ARL13A: variants seen among roughly 807,000 people sequenced by gnomAD.
ARL13A encodes ARF like GTPase 13A, also known as ADP-ribosylation factor-like protein 13A.
A neutral mutation model predicts 19.1 loss-of-function variants in ARL13A; 16 were observed. The observed-to-expected ratio is 0.84, with a 90% CI of 0.57 to 1.27. The LOEUF (loss-of-function observed/expected upper bound fraction) is 1.27. Ranked by LOEUF, ARL13A falls within the 50% of genes most tolerant of loss-of-function variation. The probability of loss-of-function intolerance (pLI) is 0.00; values close to 1 mark genes in which losing one functional copy is unlikely to be tolerated. For synonymous variants in ARL13A, 69 were observed against 71.3 expected (o/e 0.97, Z 0.17); for missense variants, 153 against 186.4 (o/e 0.82, Z 1.04).
rs1249519633 is a variant in ARL13A, at chrX:100,974,388, C to G, written c.130+191C>G. Among the ~76,000 whole-genome samples the G allele has an allele frequency of 2.7e-5, 3 of 109,890 alleles. No homozygotes were observed. The East Asian group carries it at 8.6e-4, about 32-fold the overall frequency. ...TCTGTCTCTCTCTCTCTCTCTCCCC[C>G]TTCCCTCCCTCCCTTCCCCACATTA... On this transcript the variant is annotated intron_variant, in intron 3 of 7. Transcript: ENST00000450049.
At chrX:100,987,618 C>T (rs968041263) in intron 6 of ARL13A, 62 bp downstream of exon 6, 28 of 1,148,300 alleles carry the variant, frequency 2.4e-5, no homozygotes, top group Middle Eastern at 2.7e-4. Context: ...GTCTTTCTCA[C>T]GAGCAAGGAG....
chrX:100,973,723 C>T lies in ARL13A; in HGVS notation c.34C>T (p.Leu12=), dbSNP rs775342464. 12 of 1,211,139 alleles carry T rather than the reference C, an allele frequency of 9.9e-6. No individual in the cohort carries two copies. Among genetic ancestry groups the T allele is most frequent in the Admixed American group, 4.3e-5 (2 of 46,083 alleles). ...FRLLSSCCSC[L]RTTEETRRNV... is the part of the protein sequence containing the mutation. ...GCTTTTGTCCTCCTGCTGCTCTTGC[C>T]TAAGGACAACAGAAGAGACACGAAG... The change falls in exon 2 of 8, where the codon CTA becomes TTA. Residue 12 remains leucine (L), a synonymous_variant. Coordinates refer to ENST00000450049, the MANE Select transcript of ARL13A (RefSeq NM_001162491.2).
intron 3 of ARL13A, among the ~76,000 whole-genome samples, chrX:100,982,375 T>G (rs773130870): frequency 9.1e-6 from 1 of 110,322 alleles, no homozygotes; most frequent in Non-Finnish European, 1.9e-5. Flanking sequence ...GCCTGTAATC[T>G]CAGCTACGCA....
At chrX:100,990,072 A>G (rs1202878243) in intron 7 of ARL13A, among the ~76,000 whole-genome samples, 1 of 112,953 alleles carries the variant, frequency 8.9e-6, no homozygotes, top group East Asian at 2.8e-4. Context: ...TGGGACACAG[A>G]TAAGATGTTA....
chrX:100,988,970 C>T (rs2085981698), intron 7 of ARL13A, among the ~76,000 whole-genome samples: 1 of 105,850 alleles, frequency 9.4e-6, no homozygotes, highest in South Asian at 4.2e-4. Flanking sequence ...ACCCAAAAAA[C>T]GATGCTCAAG....
Position 100,987,415 on chromosome X carries a change from T to C in ARL13A, c.512T>C (p.Leu171Pro), listed in dbSNP as rs1485365531. ...RVEPCSAIRNLERRNHQPIVE... is the reference protein window; with the variant it reads ...RVEPCSAIRNPERRNHQPIVE... ...GAGCCATGTTCAGCCATCAGAAACCTTGAAAGAAGAAACCATCAGCCCATA... is the reference window on the plus strand; with the variant it reads ...GAGCCATGTTCAGCCATCAGAAACCCTGAAAGAAGAAACCATCAGCCCATA... Residue 171 changes from leucine to proline, a missense_variant, in exon 6 of 8, where the codon CTT becomes CCT. Physicochemically the swap from Leu to Pro is moderately conservative, Grantham distance 98. Transcript: ENST00000450049. 1 of 1,209,003 alleles carries C rather than the reference T, an allele frequency of 8.3e-7. No individual in the cohort carries two copies. Among genetic ancestry groups the C allele is most frequent in the East Asian group, 3.0e-5 (1 of 33,776 alleles).
At position 100,974,305 on chromosome X, in the gene ARL13A, C is replaced by T. The variant is rs2085726765; in HGVS notation, c.130+108C>T. 5.2e-6 allele frequency: 3 copies of T among 579,191 alleles called. No homozygotes were observed. In the Admixed American group the frequency reaches 8.7e-5, roughly 17 times the overall value. 47.7% of individuals were successfully genotyped at this position (579,191 alleles called of 1,213,427 possible). On this transcript the variant is annotated intron_variant, in intron 3 of 7. Coordinates refer to ENST00000450049, the MANE Select transcript of ARL13A (RefSeq NM_001162491.2). ...TTACTTCATGGCCCTCAATTTCCCT[C>T]TTTTTGTGCATAAACACCTCCTAAC... is the stretch of plus-strand genomic sequence containing the variant.
chrX:100,983,363 C>CT (rs957058134), intron 3 of ARL13A, among the ~76,000 whole-genome samples: 9 of 107,292 alleles, frequency 8.4e-5, no homozygotes, highest in East Asian at 2.9e-4. Flanking sequence ...AACCTATTCA[C>CT]TTTTTTTTTT....
At chrX:100,969,867 T>G (rs2085636182) in intron 1 of ARL13A, 58 bp downstream of exon 1, 3 of 112,141 alleles carry the variant, frequency 2.7e-5, no homozygotes, top group Admixed American at 1.9e-4. Context: ...AAATGGTAGG[T>G]TTAGTTGAGG....
intron 1 of ARL13A, among the ~76,000 whole-genome samples, chrX:100,972,348 C>T (rs1047476533): frequency 5.4e-5 from 5 of 93,189 alleles, no homozygotes; most frequent in African/African-American, 1.2e-4. Context: ...GGCGGCTGGC[C>T]GGGCGGGGGG....
intron 2 of ARL13A, 112 bp from the exon 3 acceptor site, chrX:100,974,015 T>C (rs2147961929): frequency 9.2e-6 from 6 of 648,688 alleles, no homozygotes; most frequent in Non-Finnish European, 1.5e-5. Flanking sequence ...GGTACATGCA[T>C]TGAGATTACT....
chrX:100,973,609 C>T, intron 1 of ARL13A, 67 bp from the exon 2 acceptor site: 1 of 1,050,062 alleles, frequency 9.5e-7, no homozygotes, highest in Non-Finnish European at 1.3e-6. Flanking sequence ...TAGTCATAAG[C>T]TGACTAAAGG....
chrX:100,977,092 A>G (rs2085774384), intron 3 of ARL13A, among the ~76,000 whole-genome samples: 1 of 111,841 alleles, frequency 8.9e-6, no homozygotes, highest in Admixed American at 9.5e-5. Flanking sequence ...TACGTGAGAT[A>G]CGTTGATACA....
chrX:100,988,836 TGA>T (rs1480613037), intron 7 of ARL13A, among the ~76,000 whole-genome samples: 1 of 74,152 alleles, frequency 1.3e-5, no homozygotes, highest in African/African-American at 5.5e-5. Flanking sequence ...TATATATATA[TGA>T]GATAATATAT....
chrX:100,978,463 C>T (rs1309961691), intron 3 of ARL13A, among the ~76,000 whole-genome samples: 1 of 111,377 alleles, frequency 9.0e-6, no homozygotes, highest in Non-Finnish European at 1.9e-5. Flanking sequence ...TGACATTCTT[C>T]GTCTCTTTTT....
At chrX:100,975,453 G>C (rs1025664390) in intron 3 of ARL13A, among the ~76,000 whole-genome samples, 2 of 111,258 alleles carry the variant, frequency 1.8e-5, no homozygotes, top group Middle Eastern at 4.2e-3. Context: ...TCAGGCAATT[G>C]CAAGTCCATC....
At position 100,990,826 on chromosome X, in the gene ARL13A, T is replaced by G. The variant is rs1325865602; in HGVS notation, c.*238T>G. 8.6e-6 allele frequency: 3 copies of G among 349,246 alleles called. No homozygotes were observed. The highest frequency in any genetic ancestry group is 1.5e-5 in the Non-Finnish European group (3 of 197,380). 28.8% of individuals were successfully genotyped at this position (349,246 alleles called of 1,213,427 possible). On this transcript the variant is annotated 3_prime_UTR_variant, in exon 8 of 8. Transcript: ENST00000450049. The stretch of plus-strand genomic sequence containing the variant: ...GCAAAAATAAATAGAACTTCTTTGC[T>G]GAGAATTATGCTCTACTGAATCATT...
intron 5 of ARL13A, 33 bp from the exon 6 acceptor site, chrX:100,987,357 A>C: frequency 8.3e-7 from 1 of 1,200,414 alleles, no homozygotes; most frequent in Admixed American, 2.2e-5. Flanking sequence ...CCCAGGCTCC[A>C]GGTCTGCAGC....
intron 3 of ARL13A, among the ~76,000 whole-genome samples, chrX:100,978,811 GTA>G (rs904958720): frequency 2.7e-5 from 3 of 110,451 alleles, no homozygotes; most frequent in Non-Finnish European, 3.8e-5. Flanking sequence ...TTCTCTGGTA[GTA>G]TGTTTTGATT....
Sources: allele counts gnomAD v4.1 joint callset (sites outside exome capture counted in the v4.1 genomes callset), GRCh38; gene constraint gnomAD v4.1.1; transcripts MANE v1.5; gene names NCBI Gene and HGNC (gene_info 2026-07-23, HGNC 2026-07-21).